LPP: variants seen among roughly 807,000 people sequenced by gnomAD.
LPP encodes lipoma-preferred partner.
Under a neutral mutation model 60.4 loss-of-function variants are expected in LPP, and 38 were observed. The ratio of observed to expected loss-of-function variants is 0.63; its 90% confidence interval spans 0.49 to 0.83. The LOEUF is 0.83. Ranked by LOEUF, LPP falls within the 40% of genes least tolerant of loss-of-function variation. LPP has a pLI of 0.00. For synonymous variants in LPP, 328 were observed against 290.8 expected (o/e 1.13, Z -1.30); for missense variants, 902 against 783.6 (o/e 1.15, Z -1.80).
In LPP at chr3:188,175,117, C is replaced by T. The variant is rs149315073; in HGVS notation, c.-190+20865C>T. ...TTTTATATTTTTTGAGTCAGAGTCT[C>T]GCTCTGTCGCTCAGCCTGGAGTGCA... On this transcript the variant is annotated intron_variant, in intron 1 of 11. Transcript: ENST00000617246. Among the ~76,000 whole-genome samples the T allele has an allele frequency of 4.0e-3, 603 of 152,204 alleles. 4 individuals are homozygous for T. Among genetic ancestry groups the T allele is most frequent in the African/African-American group, 0.014 (568 of 41,512 alleles).
At chr3:188,805,049 C>G (rs1748660987) in intron 9 of LPP, among the ~76,000 whole-genome samples, 1 of 151,992 alleles carries the variant, frequency 6.6e-6, no homozygotes, top group Admixed American at 6.6e-5. Context: ...ATAAACCCCA[C>G]TTGGTTGTGT....
chr3:188,425,723 A>T (rs1789125713), intron 4 of LPP, among the ~76,000 whole-genome samples: 1 of 152,134 alleles, frequency 6.6e-6, no homozygotes, highest in African/African-American at 2.4e-5. Context: ...TAGATTTTCT[A>T]CTTTATTTGC....
chr3:188,522,884 A>ATG (rs751876213), intron 5 of LPP, among the ~76,000 whole-genome samples: 13 of 141,070 alleles, frequency 9.2e-5, no homozygotes, highest in African/African-American at 3.0e-4. Flanking sequence ...TGAGACATAT[A>ATG]TGTGTGTGTG....
intron 9 of LPP, among the ~76,000 whole-genome samples, chr3:188,800,159 G>C (rs144259721): frequency 1.7e-4 from 22 of 126,510 alleles, no homozygotes; most frequent in African/African-American, 6.4e-4. Flanking sequence ...CTACTGATTA[G>C]TATTTAACAT....
intron 9 of LPP, among the ~76,000 whole-genome samples, chr3:188,830,646 C>T (rs1756925504): frequency 6.6e-6 from 1 of 151,888 alleles, no homozygotes; most frequent in African/African-American, 2.4e-5. Flanking sequence ...CCACCCCCAA[C>T]GAACGAACAA....
intron 9 of LPP, among the ~76,000 whole-genome samples, chr3:188,786,382 C>CA (rs57565042): frequency 0.018 from 1,385 of 76,604 alleles, 190 homozygotes; most frequent in Middle Eastern, 0.048. Context: ...GACTCCGTCT[C>CA]AAAAAAAAAA....
rs1769598519 is a variant in LPP, at chr3:188,878,981, T to C, written c.*4502T>C. 3 of 228,128 alleles carry C rather than the reference T, an allele frequency of 1.3e-5. No homozygotes were observed. The highest frequency in any genetic ancestry group is 5.7e-5 in the Admixed American group (1 of 17,578). 14.1% of individuals were successfully genotyped at this position (228,128 alleles called of 1,614,324 possible). A position where few individuals can be genotyped will look rare whatever the true frequency, so the allele number is the denominator to read the frequency against. On this transcript the variant is annotated 3_prime_UTR_variant, in exon 12 of 12. Transcript: ENST00000617246. ...AGATAATGAGGACAGAGACTTCAAC[T>C]TGATTCTTTACCACCATTCAGCATA...
chr3:188,407,795 T>TTTTTTTTTTTTG (rs1783995568), intron 4 of LPP, among the ~76,000 whole-genome samples: 3 of 137,460 alleles, frequency 2.2e-5, no homozygotes, highest in Non-Finnish European at 4.7e-5. Flanking sequence ...TTTGTTTTTT[T>TTTTTTTTTTTTG]TTTTTTTTTT....
At chr3:188,864,461 TAA>T (rs1016034885) in intron 9 of LPP, among the ~76,000 whole-genome samples, 5 of 152,236 alleles carry the variant, frequency 3.3e-5, no homozygotes, top group Non-Finnish European at 4.4e-5. Context: ...CTAATGAAAT[TAA>T]AGTCTGGTAG....
At chr3:188,345,247 G>A (rs934673433) in intron 3 of LPP, among the ~76,000 whole-genome samples, 6 of 152,156 alleles carry the variant, frequency 3.9e-5, no homozygotes, top group African/African-American at 1.4e-4. Flanking sequence ...GCATGGGGAT[G>A]TGAGATGTCC....
intron 5 of LPP, among the ~76,000 whole-genome samples, chr3:188,488,527 T>G (rs1252930858): frequency 6.6e-6 from 1 of 152,186 alleles, no homozygotes; most frequent in Non-Finnish European, 1.5e-5. Context: ...ATTGAATGCT[T>G]CTTGTAAGTA....
At chr3:188,680,278 G>T (rs1859190884) in intron 7 of LPP, among the ~76,000 whole-genome samples, 1 of 152,102 alleles carries the variant, frequency 6.6e-6, no homozygotes, top group African/African-American at 2.4e-5. Flanking sequence ...ACAATTAGAG[G>T]AGTGTTTCTA....
At chr3:188,229,648 A>G (rs1719115039) in intron 2 of LPP, among the ~76,000 whole-genome samples, 1 of 152,230 alleles carries the variant, frequency 6.6e-6, no homozygotes, top group Non-Finnish European at 1.5e-5. Context: ...TTCTTCGTGT[A>G]ACCCAGGGAT....
chr3:188,336,170 A>G (rs1309639275), intron 2 of LPP, among the ~76,000 whole-genome samples: 2 of 152,126 alleles, frequency 1.3e-5, no homozygotes, highest in African/African-American at 2.4e-5. Flanking sequence ...TTCATGTCAG[A>G]TATCACATGA....
intron 8 of LPP, among the ~76,000 whole-genome samples, chr3:188,745,583 C>A (rs767760715): frequency 3.3e-5 from 5 of 152,142 alleles, no homozygotes; most frequent in Admixed American, 1.3e-4. Context: ...GAGTCTTCTA[C>A]CTCAAGTCTT....
intron 4 of LPP, among the ~76,000 whole-genome samples, chr3:188,462,546 A>ATG (rs1799255350): frequency 9.1e-5 from 1 of 10,948 alleles, no homozygotes; most frequent in African/African-American, 2.3e-4. Flanking sequence ...TATGAGCTTT[A>ATG]TATATATATA....
At chr3:188,295,699 C>T (rs1747647284) in intron 2 of LPP, among the ~76,000 whole-genome samples, 1 of 152,022 alleles carries the variant, frequency 6.6e-6, no homozygotes, top group Non-Finnish European at 1.5e-5. Context: ...CCACTGTGCC[C>T]ACCTACAAAA....
At chr3:188,492,365 C>A (rs374646324) in intron 5 of LPP, among the ~76,000 whole-genome samples, 30 of 152,080 alleles carry the variant, frequency 2.0e-4, no homozygotes, top group Non-Finnish European at 3.8e-4. Context: ...TTTATTTTAA[C>A]TTACAAAAAA....
rs1771102739 is a variant in LPP at position 188,890,226 on chromosome 3, A to G, written c.*15747A>G. On this transcript the variant is annotated 3_prime_UTR_variant, in exon 12 of 12. Transcript: ENST00000617246. ...CATAGCCCCACCGTGATGAGCTGCT[A>G]GTCTGAATAACATTCCCTGACTTAG... 2 of 216,816 alleles carry G rather than the reference A, an allele frequency of 9.2e-6. No individual in the cohort carries two copies. Among genetic ancestry groups the G allele is most frequent in the Admixed American group, 1.2e-4 (2 of 17,202 alleles). 13.4% of individuals were successfully genotyped at this position (216,816 alleles called of 1,614,324 possible).
Sources: gnomAD v4.1 joint callset for allele counts (sites outside exome capture counted in the v4.1 genomes callset) on GRCh38, gnomAD v4.1.1 for gene constraint, MANE v1.5 for transcripts, NCBI Gene and HGNC (gene_info 2026-07-23, HGNC 2026-07-21) for gene names.